The following PNPLA3 variants were observed in gnomAD, a reference collection of about 807,000 sequenced individuals.
PNPLA3 encodes the protein 1-acylglycerol-3-phosphate O-acyltransferase PNPLA3.
A neutral mutation model predicts 43.1 loss-of-function variants in PNPLA3; 42 were observed. The observed-to-expected ratio is 0.97, with a 90% CI of 0.76 to 1.26. The LOEUF (loss-of-function observed/expected upper bound fraction) is 1.26. PNPLA3 is among the 50% of genes most tolerant of loss of function. The probability of loss-of-function intolerance (pLI) is 0.00; values close to 1 mark genes in which losing one functional copy is unlikely to be tolerated. For synonymous variants in PNPLA3, 272 were observed against 253.6 expected, an observed-to-expected ratio of 1.07 and a Z score of -0.69; for missense variants, 647 against 621.4, an observed-to-expected ratio of 1.04 and a Z score of -0.44.
chr22:43,927,622 A>G (rs993405026), intron 2 of PNPLA3, among the ~76,000 whole-genome samples: 1 of 118,736 alleles, frequency 8.4e-6, no homozygotes, highest in Admixed American at 1.1e-4. Flanking sequence ...TGAATGTTCC[A>G]GGGCAGTTTC....
chr22:43,944,754 GGTGTTCACTCGA>G lies in PNPLA3; in HGVS notation c.1180_1191del (p.Phe394_Val397del), dbSNP rs2050052354. 6.2e-7 allele frequency: 1 copy of G among 1,614,148 alleles called. No homozygotes were observed. Among genetic ancestry groups the G allele is most frequent in the African/African-American group, 1.3e-5 (1 of 74,950 alleles). ...TGTGGTTGCAGTGGGTGACCTCACA[GGTGTTCACTCGA>G]GTGCTGATGTGTCTGCTCCCCGCCT... On this transcript the variant is annotated inframe_deletion, in exon 8 of 9. Transcript: ENST00000216180.
At chr22:43,925,021 C>T (rs1285184749) in intron 1 of PNPLA3, among the ~76,000 whole-genome samples, 1 of 152,028 alleles carries the variant, frequency 6.6e-6, no homozygotes, top group Non-Finnish European at 1.5e-5. Context: ...CCTGGGCATC[C>T]TCCAGGGCAG....
chr22:43,931,159 T>A (rs1365453837), intron 3 of PNPLA3, among the ~76,000 whole-genome samples: 1 of 151,960 alleles, frequency 6.6e-6, no homozygotes, highest in African/African-American at 2.4e-5. Flanking sequence ...AAACAAAATC[T>A]GGGGGAGTGC....
chr22:43,923,950 G>T lies in PNPLA3; in HGVS notation c.39G>T (p.Ala13=). The T allele has an allele frequency of 6.3e-7, 1 of 1,581,332 alleles. No individual in the cohort carries two copies. The highest frequency in any genetic ancestry group is 8.5e-7 in the Non-Finnish European group (1 of 1,172,206). ...AGCGCGGCTGGAGCTTGTCCTTCGC[G>T]GGCTGCGGCTTCCTGGGCTTCTACC... is the stretch of plus-strand genomic sequence containing the variant. ...DAERGWSLSF[A]GCGFLGFYHV... The change falls in exon 1 of 9, where the codon GCG becomes GCT. Residue 13 remains alanine (A), a synonymous_variant. Transcript: ENST00000216180.
chr22:43,943,563 A>G (rs528851702), intron 7 of PNPLA3, among the ~76,000 whole-genome samples: 23 of 152,188 alleles, frequency 1.5e-4, no homozygotes, highest in African/African-American at 5.1e-4. Flanking sequence ...GTTGAAATAT[A>G]TATCTTGCTC....
rs367919387 is a variant in PNPLA3 at position 43,946,267 on chromosome 22, C to T, written c.1331C>T (p.Ala444Val). 1.5e-5 allele frequency: 24 copies of T among 1,614,190 alleles called. No individual in the cohort carries two copies. The highest frequency in any genetic ancestry group is 2.2e-5 in the East Asian group (1 of 44,876). ...KGCPAETKAE[A>V]TPRSILRSSL... is the part of the protein sequence containing the mutation. ...TGTCCAGCAGAGACCAAAGCAGAGG[C>T]CACCCCGCGGTCCATCCTCAGGTCC... is the stretch of plus-strand genomic sequence containing the variant. Residue 444 changes from alanine (A) to valine (V), a missense_variant, in exon 9 of 9, where the codon GCC becomes GTC. Transcript: ENST00000216180.
intron 8 of PNPLA3, among the ~76,000 whole-genome samples, chr22:43,945,903 G>A (rs930563521): frequency 2.6e-5 from 4 of 152,164 alleles, no homozygotes; most frequent in African/African-American, 4.8e-5. Flanking sequence ...CCAGGGATTC[G>A]TTGGTGGACA....
At chr22:43,928,995 C>G in intron 3 of PNPLA3, 106 bp downstream of exon 3, 1 of 1,153,142 alleles carries the variant, frequency 8.7e-7, no homozygotes, top group Non-Finnish European at 1.3e-6. Context: ...GGGTCTGTCC[C>G]ATGGTGGAGC....
chr22:43,930,100 C>T (rs546534848), intron 3 of PNPLA3, among the ~76,000 whole-genome samples: 2 of 152,274 alleles, frequency 1.3e-5, no homozygotes, highest in African/African-American at 2.4e-5. Flanking sequence ...AGCAGAGCCA[C>T]GTGGCAGAGG....
chr22:43,941,486 A>G lies in PNPLA3; in HGVS notation c.1112+1361A>G, dbSNP rs547073728. On this transcript the variant is annotated intron_variant, in intron 7 of 8. Transcript: ENST00000216180. Reference sequence around the variant, plus strand: ...CTCTGTGCTGCAGCTTCCCGTCTAGAGAGATCACCTGGAGCAGAGGGTGGT... The same window carrying G: ...CTCTGTGCTGCAGCTTCCCGTCTAGGGAGATCACCTGGAGCAGAGGGTGGT... Among the ~76,000 whole-genome samples the G allele has an allele frequency of 2.3e-3, 346 of 152,244 alleles. 2 individuals carry two copies. The highest frequency in any genetic ancestry group is 3.7e-3 in the Non-Finnish European group (254 of 68,030).
Position 43,937,115 on chromosome 22 carries a change from C to G in PNPLA3, c.822C>G (p.Ala274=), listed in dbSNP as rs766526185. The stretch of plus-strand genomic sequence containing the variant: ...CAGAAGGGATGGATCCTGAGGTCGC[C>G]ATGCCCAGCTGGGCAAACATGAGTC... ...SSSEGMDPEV[A]MPSWANMSLD... The change falls in exon 6 of 9, where the codon GCC becomes GCG. Residue 274 remains alanine, a synonymous_variant. Transcript: ENST00000216180. 1.9e-6 allele frequency: 3 copies of G among 1,614,172 alleles called. No homozygotes were observed. Among genetic ancestry groups the G allele is most frequent in the Non-Finnish European group, 2.5e-6 (3 of 1,180,048 alleles).
chr22:43,937,002 C>T, intron 5 of PNPLA3, 49 bp from the exon 6 acceptor site: 4 of 1,508,086 alleles, frequency 2.7e-6, no homozygotes, highest in Non-Finnish European at 3.6e-6. Flanking sequence ...GGGTAACGAC[C>T]ACCACTCCCA....
In PNPLA3 at chr22:43,929,338, T is replaced by C. The variant is rs1382966473; in HGVS notation, c.486+449T>C. ...TAAAAATACAAAAATTAGCTGGGCA[T>C]GGTGGTGTGCACCTGTAATCCCAGC... On this transcript the variant is annotated intron_variant, in intron 3 of 8. Transcript: ENST00000216180. Among the ~76,000 whole-genome samples the C allele has an allele frequency of 2.0e-5, 3 of 151,780 alleles. No individual in the cohort carries two copies. In the East Asian group the frequency reaches 5.9e-4, roughly 30 times the overall value.
intron 3 of PNPLA3, 131 bp downstream of exon 3, chr22:43,929,020 C>T (rs1344998725): frequency 1.1e-6 from 1 of 925,048 alleles, no homozygotes; most frequent in South Asian, 1.4e-5. Flanking sequence ...TGCCTCACTG[C>T]CTTTCAGACA....
chr22:43,945,156 C>T (rs758808607), intron 8 of PNPLA3, among the ~76,000 whole-genome samples: 21 of 152,086 alleles, frequency 1.4e-4, no homozygotes, highest in Non-Finnish European at 2.4e-4. Flanking sequence ...CGTGTCTGAG[C>T]GAAGGAGCTC....
In PNPLA3 at chr22:43,937,013, C is replaced by A. The variant is rs142649367; in HGVS notation, c.758-38C>A. 80 of 1,545,574 alleles carry A rather than the reference C, an allele frequency of 5.2e-5. No homozygotes were observed. The East Asian group carries it at 1.6e-3, about 32-fold the overall frequency. On this transcript the variant is annotated intron_variant, in intron 5 of 8. Transcript: ENST00000216180. ...GGGTGGGTAACGACCACCACTCCCA[C>A]GTTCGCCTGATGGGCTTGTTTTCCG...
At chr22:43,932,316 C>A (rs1315437762) in intron 3 of PNPLA3, among the ~76,000 whole-genome samples, 1 of 152,180 alleles carries the variant, frequency 6.6e-6, no homozygotes. Flanking sequence ...TTCATTGTTT[C>A]ATTTAAGTCT....
At chr22:43,934,259 G>A (rs540565661) in intron 4 of PNPLA3, among the ~76,000 whole-genome samples, 12 of 150,418 alleles carry the variant, frequency 8.0e-5, no homozygotes, top group South Asian at 2.1e-4. Context: ...GGAGGTGGCC[G>A]TTAGCCGAGA....
At chr22:43,941,933 C>A (rs576035522) in intron 7 of PNPLA3, among the ~76,000 whole-genome samples, 1 of 152,284 alleles carries the variant, frequency 6.6e-6, no homozygotes, top group Non-Finnish European at 1.5e-5. Flanking sequence ...GGTGCGAGTG[C>A]TGATCTGTCT....
Sources: gnomAD v4.1 joint callset for allele counts (sites outside exome capture counted in the v4.1 genomes callset) on GRCh38, gnomAD v4.1.1 for gene constraint, MANE v1.5 for transcripts, NCBI Gene and HGNC (gene_info 2026-07-23, HGNC 2026-07-21) for gene names.